The following NTM variants were observed in gnomAD, a reference collection of about 807,000 sequenced individuals.
NTM encodes neurotrimin, also known as IgLON family member 2.
Under a neutral mutation model 42.1 loss-of-function variants are expected in NTM, and 13 were observed. The ratio of observed to expected loss-of-function variants is 0.31; its 90% CI spans 0.20 to 0.49. The LOEUF (loss-of-function observed/expected upper bound fraction) is 0.49, where lower values mean the gene tolerates loss of function less well. NTM is among the 20% of genes least tolerant of loss of function. The pLI is 0.99. For synonymous variants in NTM, 187 were observed against 179.2 expected (o/e 1.04, Z -0.35); for missense variants, 373 against 452.8 (o/e 0.82, Z 1.60).
intron 1 of NTM, among the ~76,000 whole-genome samples, chr11:131,591,376 C>T (rs1468416653): frequency 6.6e-6 from 1 of 152,240 alleles, no homozygotes; most frequent in African/African-American, 2.4e-5. Flanking sequence ...ACGAAGCCTC[C>T]CGTGGGCCTG....
intron 4 of NTM, among the ~76,000 whole-genome samples, chr11:132,302,919 G>T (rs943825698): frequency 1.3e-5 from 2 of 152,206 alleles, no homozygotes; most frequent in Admixed American, 1.3e-4. Flanking sequence ...TTCCTAGGAA[G>T]ATTATGCAAG....
intron 3 of NTM, among the ~76,000 whole-genome samples, chr11:132,190,983 T>TCATG (rs2079222686): frequency 6.6e-6 from 1 of 152,092 alleles, no homozygotes; most frequent in Non-Finnish European, 1.5e-5. Flanking sequence ...ATTACTCTAG[T>TCATG]CATGATGTAC....
intron 1 of NTM, among the ~76,000 whole-genome samples, chr11:131,722,546 T>G (rs2078493521): frequency 6.6e-6 from 1 of 152,222 alleles, no homozygotes; most frequent in Non-Finnish European, 1.5e-5. Context: ...AGGAGGAAGA[T>G]GAAGTTTAAT....
chr11:131,579,491 C>T (rs145399114), intron 1 of NTM, among the ~76,000 whole-genome samples: 112 of 152,250 alleles, frequency 7.4e-4, no homozygotes, highest in African/African-American at 2.5e-3. Context: ...AGAGGCCCCA[C>T]GTCGGCCTGG....
chr11:131,688,927 G>A (rs1399174457), intron 1 of NTM, among the ~76,000 whole-genome samples: 2 of 152,210 alleles, frequency 1.3e-5, no homozygotes, highest in African/African-American at 4.8e-5. Context: ...TTGTAGAGGT[G>A]TTTCCTTAGG....
At chr11:131,872,001 CAT>C (rs900468607) in intron 1 of NTM, among the ~76,000 whole-genome samples, 5 of 152,328 alleles carry the variant, frequency 3.3e-5, no homozygotes, top group South Asian at 2.1e-4. Context: ...GCTGTGTACA[CAT>C]GTCTTCATGT....
At chr11:131,980,044 G>A (rs2065008723) in intron 2 of NTM, among the ~76,000 whole-genome samples, 1 of 152,148 alleles carries the variant, frequency 6.6e-6, no homozygotes, top group African/African-American at 2.4e-5. Context: ...ACGATTCCTT[G>A]CTGTTTTGAA....
Position 131,379,910 on chromosome 11 carries a change from C to A in NTM, c.82+9022C>A, listed in dbSNP as rs112240010. Among the ~76,000 whole-genome samples, 690 of 152,196 alleles carry A rather than the reference C, an allele frequency of 4.5e-3. 9 individuals carry two copies. Among genetic ancestry groups the A allele is most frequent in the African/African-American group, 0.016 (666 of 41,520 alleles). Reference sequence around the variant, plus strand: ...CTTCTCCCAGTATGTCCTGGTAGCCCAGCATATTAGAGCCCAGCATATTAT... The same window carrying A: ...CTTCTCCCAGTATGTCCTGGTAGCCAAGCATATTAGAGCCCAGCATATTAT... On this transcript the variant is annotated intron_variant, in intron 1 of 8. Coordinates refer to ENST00000683400, the MANE Select transcript of NTM (RefSeq NM_001352005.2).
chr11:131,909,920 A>T (rs1275715304), intron 1 of NTM: 1 of 152,212 alleles, frequency 6.6e-6, no homozygotes, highest in Non-Finnish European at 1.5e-5. Flanking sequence ...GCTCACACTC[A>T]TCCACCCAAG....
chr11:131,937,176 C>T (rs1276624309), intron 2 of NTM, among the ~76,000 whole-genome samples: 1 of 152,172 alleles, frequency 6.6e-6, no homozygotes, highest in Non-Finnish European at 1.5e-5. Flanking sequence ...CGTTTTCACT[C>T]AGGAGTAGAG....
Position 131,686,374 on chromosome 11 carries a change from T to G in NTM, c.83-225190T>G, listed in dbSNP as rs1053278905. On this transcript the variant is annotated intron_variant, in intron 1 of 8. Transcript: ENST00000683400. Reference sequence around the variant, plus strand: ...ATGTTATGTGTTATATACCATAATCTCACAATAAAGTAAGCTAGAGGAAAG... The same window carrying G: ...ATGTTATGTGTTATATACCATAATCGCACAATAAAGTAAGCTAGAGGAAAG... Among the ~76,000 whole-genome samples the G allele has an allele frequency of 6.6e-5, 10 of 152,370 alleles. No homozygotes were observed. The East Asian group carries it at 1.3e-3, about 21-fold the overall frequency.
intron 4 of NTM, among the ~76,000 whole-genome samples, chr11:132,239,794 CAAT>C (rs1440707016): frequency 1.3e-5 from 2 of 152,152 alleles, no homozygotes; most frequent in African/African-American, 2.4e-5. Flanking sequence ...AGTAGCATAA[CAAT>C]AATAATTCTT....
chr11:131,514,661 C>T (rs2048668897), intron 1 of NTM, among the ~76,000 whole-genome samples: 1 of 152,058 alleles, frequency 6.6e-6, no homozygotes. Context: ...GTCACTGCAG[C>T]CTGAACTCCC....
At chr11:131,755,365 A>G (rs1452455643) in intron 1 of NTM, among the ~76,000 whole-genome samples, 1 of 152,152 alleles carries the variant, frequency 6.6e-6, no homozygotes, top group East Asian at 1.9e-4. Context: ...AAGGGAGAAC[A>G]ATGACCTTCC....
intron 1 of NTM, among the ~76,000 whole-genome samples, chr11:131,847,523 C>A (rs1238424719): frequency 1.3e-5 from 2 of 151,998 alleles, no homozygotes; most frequent in African/African-American, 4.8e-5. Flanking sequence ...GAAGCTGTGG[C>A]TCATTTCAGG....
chr11:131,955,161 C>T (rs183149735), intron 2 of NTM, among the ~76,000 whole-genome samples: 14 of 152,298 alleles, frequency 9.2e-5, no homozygotes, highest in African/African-American at 3.1e-4. Flanking sequence ...TGAGCACCTC[C>T]ACCCTCAGCC....
chr11:131,389,024 A>AAAAAAAAAAAGAAAAG (rs774146196), intron 1 of NTM, among the ~76,000 whole-genome samples: 26 of 89,898 alleles, frequency 2.9e-4, no homozygotes, highest in East Asian at 5.1e-4. Context: ...AAAAAAAAAA[A>AAAAAAAAAAAGAAAAG]AAAAGAAAAG....
intron 1 of NTM, chr11:131,774,102 C>T (rs1232728925): frequency 2.0e-6 from 2 of 985,180 alleles, no homozygotes; most frequent in Non-Finnish European, 2.4e-6. Context: ...AAACCTTCCA[C>T]CAAGCTTACA....
At chr11:131,948,531 T>G (rs868242663) in intron 2 of NTM, among the ~76,000 whole-genome samples, 82 of 152,318 alleles carry the variant, frequency 5.4e-4, no homozygotes, top group African/African-American at 1.8e-3. Flanking sequence ...AGAGTGTTCC[T>G]CAAAGCTGAC....
Sources: allele counts gnomAD v4.1 joint callset (sites outside exome capture counted in the v4.1 genomes callset), GRCh38; gene constraint gnomAD v4.1.1; transcripts MANE v1.5; gene names NCBI Gene and HGNC (gene_info 2026-07-23, HGNC 2026-07-21).